The following MAF variants were observed in gnomAD, a reference collection of about 807,000 sequenced individuals.
MAF encodes the protein transcription factor Maf.
MAF carries 10 observed loss-of-function variants against 22.0 expected under a neutral mutation model. The observed-to-expected ratio is 0.45, with a 90% CI of 0.28 to 0.77. The LOEUF is 0.77. Ranked by LOEUF, MAF falls within the 30% of genes least tolerant of loss-of-function variation. MAF has a pLI of 0.12. For synonymous variants in MAF, 337 were observed against 255.8 expected, an observed-to-expected ratio of 1.32 and a Z score of -3.03; for missense variants, 544 against 548.4, an observed-to-expected ratio of 0.99 and a Z score of 0.08.
the MAF span, among the ~76,000 whole-genome samples, chr16:79,397,070 A>G: frequency 1.8e-4 from 27 of 152,226 alleles, no homozygotes; most frequent in Non-Finnish European, 3.2e-4. Flanking sequence ...TGCCGACCTC[A>G]TCCAGGTAAG....
At chr16:79,539,854 C>T in the MAF span, among the ~76,000 whole-genome samples, 133,861 of 152,238 alleles carry the variant, frequency 0.88, 59,597 homozygotes, top group South Asian at 0.97. Context: ...ATTGAAAATC[C>T]ATTGCAAAAA....
At chr16:79,595,834 A>T in intron 1 of MAF, 1 of 1,058,452 alleles carries the variant, frequency 9.4e-7, no homozygotes, top group Non-Finnish European at 1.1e-6. Context: ...ATTTGATAAC[A>T]TAGTTTAAAC....
chr16:79,545,525 G>C, the MAF span, among the ~76,000 whole-genome samples: 1 of 146,554 alleles, frequency 6.8e-6, no homozygotes, highest in East Asian at 2.0e-4. Context: ...CAAGCCATTG[G>C]AAAAAAAAAA....
chr16:79,291,298 G>A, the MAF span, among the ~76,000 whole-genome samples: 1 of 152,120 alleles, frequency 6.6e-6, no homozygotes, highest in Non-Finnish European at 1.5e-5. Flanking sequence ...TTGGACAGTG[G>A]GAGGTGCTGG....
the MAF span, among the ~76,000 whole-genome samples, chr16:79,514,468 G>A: frequency 3.3e-5 from 5 of 152,126 alleles, no homozygotes; most frequent in African/African-American, 1.2e-4. Flanking sequence ...TTCCAAAGGG[G>A]GACATCCCAA....
At chr16:79,345,503 G>A in the MAF span, among the ~76,000 whole-genome samples, 16 of 152,134 alleles carry the variant, frequency 1.1e-4, no homozygotes, top group South Asian at 4.1e-4. Flanking sequence ...TGAGGTGGGT[G>A]GATTACTTGA....
chr16:79,584,431 C>T (rs1307674028), downstream of MAF, among the ~76,000 whole-genome samples: 1 of 152,192 alleles, frequency 6.6e-6, no homozygotes, highest in African/African-American at 2.4e-5. Context: ...TGACCAAATG[C>T]CTTTCTCTTC....
chr16:79,318,762 T>G, the MAF span, among the ~76,000 whole-genome samples: 1 of 152,200 alleles, frequency 6.6e-6, no homozygotes, highest in African/African-American at 2.4e-5. Flanking sequence ...TAAAACACTC[T>G]TAAGGCTACA....
the MAF span, among the ~76,000 whole-genome samples, chr16:79,535,390 C>G: frequency 6.6e-6 from 1 of 150,876 alleles, no homozygotes; most frequent in Non-Finnish European, 1.5e-5. Context: ...ACCCAGAAAT[C>G]ACACTTGCCA....
the MAF span, among the ~76,000 whole-genome samples, chr16:79,237,817 A>C: frequency 6.6e-6 from 1 of 152,064 alleles, no homozygotes; most frequent in Non-Finnish European, 1.5e-5. Flanking sequence ...GTGATAATCC[A>C]AAATATTTCT....
the MAF span, among the ~76,000 whole-genome samples, chr16:79,545,088 G>A: frequency 2.9e-3 from 438 of 152,158 alleles, no homozygotes; most frequent in African/African-American, 1.0e-2. Flanking sequence ...CATTTCTGTT[G>A]TTTGTTTTCC....
At chr16:79,372,069 T>TA in the MAF span, among the ~76,000 whole-genome samples, 1 of 148,038 alleles carries the variant, frequency 6.8e-6, no homozygotes, top group Admixed American at 6.7e-5. Flanking sequence ...GAGAGGAATT[T>TA]TTTTTTTTTT....
the MAF span, among the ~76,000 whole-genome samples, chr16:79,410,052 C>T: frequency 6.6e-6 from 1 of 152,188 alleles, no homozygotes; most frequent in Admixed American, 6.5e-5. Flanking sequence ...TAGGAGTATG[C>T]ACCTGTAACC....
the MAF span, among the ~76,000 whole-genome samples, chr16:79,273,446 A>G: frequency 6.6e-6 from 1 of 152,222 alleles, no homozygotes; most frequent in Non-Finnish European, 1.5e-5. Context: ...TTGGTGGCTT[A>G]AATCAACATA....
At chr16:79,247,395 C>T in the MAF span, among the ~76,000 whole-genome samples, 1 of 152,208 alleles carries the variant, frequency 6.6e-6, no homozygotes, top group South Asian at 2.1e-4. Flanking sequence ...CGTAACTTCT[C>T]CTTGCCGATG....
At chr16:79,315,441 A>G in the MAF span, among the ~76,000 whole-genome samples, 1 of 152,228 alleles carries the variant, frequency 6.6e-6, no homozygotes, top group Non-Finnish European at 1.5e-5. Context: ...TTATAGATAT[A>G]TTTATACTCT....
chr16:79,542,496 C>G, the MAF span, among the ~76,000 whole-genome samples: 1 of 152,148 alleles, frequency 6.6e-6, no homozygotes, highest in Non-Finnish European at 1.5e-5. Context: ...TCACACTACC[C>G]CCAGCCACCC....
the MAF span, among the ~76,000 whole-genome samples, chr16:79,503,545 C>CATACT: frequency 6.6e-5 from 10 of 152,308 alleles, no homozygotes; most frequent in East Asian, 1.5e-3. Context: ...AATCAATGAT[C>CATACT]ATACTGCCTT....
At chr16:79,348,648 G>A in the MAF span, among the ~76,000 whole-genome samples, 1 of 152,214 alleles carries the variant, frequency 6.6e-6, no homozygotes, top group Non-Finnish European at 1.5e-5. Flanking sequence ...CAACGACGGG[G>A]AAACAAAAGC....
Sources: allele counts gnomAD v4.1 joint callset (sites outside exome capture counted in the v4.1 genomes callset), GRCh38; gene constraint gnomAD v4.1.1; transcripts MANE v1.5; gene names NCBI Gene and HGNC (gene_info 2026-07-23, HGNC 2026-07-21).